The following CDHR1 variants were observed in gnomAD, a reference collection of about 807,000 sequenced individuals.
The protein encoded by CDHR1 is cadherin related family member 1, also known as cadherin-related family member 1.
In CDHR1, 61 loss-of-function variants were observed where a neutral mutation model predicts 72.1. The ratio of observed to expected loss-of-function variants is 0.85; its 90% CI spans 0.69 to 1.05. CDHR1 has a LOEUF of 1.05. CDHR1 is among the 50% of genes least tolerant of loss of function. The pLI is 0.00. For synonymous variants in CDHR1, 470 were observed against 448.1 expected, an observed-to-expected ratio of 1.05 and a Z score of -0.62; for missense variants, 1,186 against 1,115.7, an observed-to-expected ratio of 1.06 and a Z score of -0.90.
chr10:84,216,700 G>A lies in CDHR1; in HGVS notation c.*2079G>A. On this transcript the variant is annotated 3_prime_UTR_variant, in exon 17 of 17. Coordinates refer to ENST00000623527, the MANE Select transcript of CDHR1 (RefSeq NM_033100.4). ...TGAAAATTTTTGTCCAAATTGCCAT[G>A]CAGATATCTTGAACAGCAGGACATT... is the stretch of plus-strand genomic sequence containing the variant. The A allele has an allele frequency of 2.0e-6, 2 of 985,478 alleles. No homozygotes were observed. The highest frequency in any genetic ancestry group is 9.4e-5 in the South Asian group (2 of 21,290). 61.0% of individuals were successfully genotyped at this position (985,478 alleles called of 1,614,324 possible). A position where few individuals can be genotyped will look rare whatever the true frequency, so the allele number is the denominator to read the frequency against.
At chr10:84,196,309 TGAA>T (rs1316201357) in intron 2 of CDHR1, among the ~76,000 whole-genome samples, 193 bp from the exon 3 acceptor site, 1 of 152,164 alleles carries the variant, frequency 6.6e-6, no homozygotes, top group Non-Finnish European at 1.5e-5. Context: ...CCACCCGCTG[TGAA>T]GAATAAACAT....
intron 12 of CDHR1, among the ~76,000 whole-genome samples, chr10:84,209,771 C>T (rs1190645142): frequency 6.6e-6 from 1 of 152,056 alleles, no homozygotes; most frequent in African/African-American, 2.4e-5. Flanking sequence ...TAAAAATTAT[C>T]TTTTACAATA....
Position 84,215,105 on chromosome 10 carries a change from G to T in CDHR1, c.*484G>T. ...AAAAGGAGGCTCAGCACTGTCTCAG[G>T]CTGGAGGTCAGCGAACCTCGTGGGC... On this transcript the variant is annotated 3_prime_UTR_variant, in exon 17 of 17. Coordinates refer to ENST00000623527, the MANE Select transcript of CDHR1 (RefSeq NM_033100.4). 1 of 1,032,670 alleles carries T rather than the reference G, an allele frequency of 9.7e-7. No homozygotes were observed. Among genetic ancestry groups the T allele is most frequent in the Non-Finnish European group, 1.2e-6 (1 of 858,352 alleles). The allele number at this position is 1,032,670 out of a possible 1,614,324, so 64.0% of individuals were successfully genotyped here.
rs1842418968 is a variant in CDHR1 at position 84,215,901 on chromosome 10, C to A, written c.*1280C>A. The A allele has an allele frequency of 1.0e-6, 1 of 985,326 alleles. No individual in the cohort carries two copies. Among genetic ancestry groups the A allele is most frequent in the Non-Finnish European group, 1.2e-6 (1 of 829,972 alleles). 61.0% of individuals were successfully genotyped at this position (985,326 alleles called of 1,614,324 possible). A position where few individuals can be genotyped will look rare whatever the true frequency, so the allele number is the denominator to read the frequency against. On this transcript the variant is annotated 3_prime_UTR_variant, in exon 17 of 17. Transcript: ENST00000623527. ...CCTGGCCAGCTACCGTCAGAGAGAA[C>A]CAGAGCTCCAAGTCTTTAATTTGCC...
chr10:84,201,739 G>A lies in CDHR1; in HGVS notation c.526-68G>A. On this transcript the variant is annotated intron_variant, in intron 6 of 16. Transcript: ENST00000623527. ...GGGCAGTGAGGACCCCCTTCAGAAA[G>A]CAGAGCGGGCATTCCTGGGGCTGGC... 2.3e-6 allele frequency: 3 copies of A among 1,308,878 alleles called. No homozygotes were observed. In the South Asian group the frequency reaches 3.6e-5, roughly 16 times the overall value. 81.1% of individuals were successfully genotyped at this position (1,308,878 alleles called of 1,614,324 possible).
Position 84,194,640 on chromosome 10 carries a change from C to G in CDHR1, c.-121C>G. 1 of 725,440 alleles carries G rather than the reference C, an allele frequency of 1.4e-6. No homozygotes were observed. The highest frequency in any genetic ancestry group is 2.0e-6 in the Non-Finnish European group (1 of 498,930). The allele number at this position is 725,440 out of a possible 1,614,324, so 44.9% of individuals were successfully genotyped here. On this transcript the variant is annotated 5_prime_UTR_variant, in exon 1 of 17. Transcript: ENST00000623527. ...GCTCCCGCCCCGTGCCCCCTCCCGCCGCGGCTGCAGTCGCCGCTACCCCCA... is the reference window on the plus strand; with the variant it reads ...GCTCCCGCCCCGTGCCCCCTCCCGCGGCGGCTGCAGTCGCCGCTACCCCCA...
At chr10:84,196,365 C>G in intron 2 of CDHR1, 140 bp from the exon 3 acceptor site, 1 of 885,586 alleles carries the variant, frequency 1.1e-6, no homozygotes, top group Non-Finnish European at 1.9e-6. Context: ...CAGCAATGAG[C>G]ACCAAGTTCA....
Position 84,208,798 on chromosome 10 carries a change from G to T in CDHR1, c.1237G>T (p.Val413Phe). Residue 413 changes from valine to phenylalanine, a missense_variant, in exon 12 of 17, where the codon GTC becomes TTC. Val to Phe is a conservative substitution (Grantham distance 50). Coordinates refer to ENST00000623527, the MANE Select transcript of CDHR1 (RefSeq NM_033100.4). ...RGIFRVVPQTVLNEAQVTIIV... is the reference protein window; with the variant it reads ...RGIFRVVPQTFLNEAQVTIIV... The stretch of plus-strand genomic sequence containing the variant: ...CATCTTCCGAGTGGTTCCACAGACA[G>T]TCCTGAATGAAGCCCAAGTCACAAT... 1.2e-6 allele frequency: 2 copies of T among 1,614,196 alleles called. No homozygotes were observed. Among genetic ancestry groups the T allele is most frequent in the Non-Finnish European group, 1.7e-6 (2 of 1,180,020 alleles).
chr10:84,195,549 A>C lies in CDHR1; in HGVS notation c.111A>C (p.Gly37=), dbSNP rs773293164. The stretch of plus-strand genomic sequence containing the variant: ...ACAACGGGGTCGGCAGCACCAACGG[A>C]AACATGGCTCTGTTCAGCCTCCCAG... The part of the protein sequence containing the change: ...FFDNGVGSTN[G]NMALFSLPED... The change falls in exon 2 of 17, where the codon GGA becomes GGC. Residue 37 remains glycine, a synonymous_variant. Coordinates refer to ENST00000623527, the MANE Select transcript of CDHR1 (RefSeq NM_033100.4). 7 of 1,614,060 alleles carry C rather than the reference A, an allele frequency of 4.3e-6. No individual in the cohort carries two copies. Among genetic ancestry groups the C allele is most frequent in the African/African-American group, 1.3e-5 (1 of 74,924 alleles).
intron 10 of CDHR1, among the ~76,000 whole-genome samples, chr10:84,207,326 GCAGAGT>G (rs1842244737): frequency 6.6e-6 from 1 of 152,100 alleles, no homozygotes; most frequent in Admixed American, 6.6e-5. Flanking sequence ...GATGTAGAGA[GCAGAGT>G]CACATTGCTG....
At chr10:84,204,822 G>A (rs1006388400) in intron 9 of CDHR1, among the ~76,000 whole-genome samples, 1 of 152,134 alleles carries the variant, frequency 6.6e-6, no homozygotes, top group Non-Finnish European at 1.5e-5. Context: ...CATGGGGCAG[G>A]GGCGCTGAGA....
At chr10:84,195,404 C>G (rs1842010264) in intron 1 of CDHR1, 90 bp from the exon 2 acceptor site, 3 of 1,223,402 alleles carry the variant, frequency 2.5e-6, no homozygotes, top group African/African-American at 1.5e-5. Context: ...GTAGCTGGGC[C>G]TGACGCGGGA....
intron 1 of CDHR1, 102 bp from the exon 2 acceptor site, chr10:84,195,392 C>A: frequency 9.2e-7 from 1 of 1,087,294 alleles, no homozygotes; most frequent in Non-Finnish European, 1.4e-6. Context: ...CCCTCCTGCC[C>A]AGTAGCTGGG....
rs3814213 is a variant in CDHR1 at position 84,214,480 on chromosome 10, T to C, written c.2439T>C (p.Thr813=). 0.53 allele frequency: 850,713 copies of C among 1,608,950 alleles called. 228,762 individuals carry two copies. Among genetic ancestry groups the C allele is most frequent in the African/African-American group, 0.79 (58,972 of 74,942 alleles). The change falls in exon 17 of 17, where the codon ACT becomes ACC. Residue 813 remains threonine (T), a synonymous_variant. Coordinates refer to ENST00000623527, the MANE Select transcript of CDHR1 (RefSeq NM_033100.4). ...STGAAQWTVP[T]VSGSLTPQPT... Reference sequence around the variant, plus strand: ...GCGCAGCCCAGTGGACCGTGCCTACTGTCTCTGGCTCTCTCACTCCGCAGC... The same window carrying C: ...GCGCAGCCCAGTGGACCGTGCCTACCGTCTCTGGCTCTCTCACTCCGCAGC...
rs190892920 is a variant in CDHR1, at chr10:84,217,640, C to T, written c.*3019C>T. 8.1e-6 allele frequency: 8 copies of T among 985,440 alleles called. No individual in the cohort carries two copies. The highest frequency in any genetic ancestry group is 4.7e-5 in the South Asian group (1 of 21,288). 61.0% of individuals were successfully genotyped at this position (985,440 alleles called of 1,614,324 possible). On this transcript the variant is annotated 3_prime_UTR_variant, in exon 17 of 17. Transcript: ENST00000623527. Reference sequence around the variant, plus strand: ...TTACACAAGCTCAGTAGACACTTGCCGTGACTGTGGCCCACATACTAGAAC... The same window carrying T: ...TTACACAAGCTCAGTAGACACTTGCTGTGACTGTGGCCCACATACTAGAAC...
At chr10:84,200,512 G>T in intron 5 of CDHR1, 89 bp from the exon 6 acceptor site, 2 of 841,956 alleles carry the variant, frequency 2.4e-6, no homozygotes, top group South Asian at 2.9e-5. Context: ...TTCACTCCCC[G>T]ACCCCACTGC....
chr10:84,219,361 C>T (rs190542727), downstream of CDHR1: 20 of 1,513,722 alleles, frequency 1.3e-5, no homozygotes, highest in Middle Eastern at 1.9e-4. Flanking sequence ...TGAATACTTC[C>T]CTACCCACCA....
intron 12 of CDHR1, among the ~76,000 whole-genome samples, chr10:84,209,742 A>T (rs909078518): frequency 2.0e-5 from 3 of 152,200 alleles, no homozygotes; most frequent in Non-Finnish European, 2.9e-5. Flanking sequence ...CATACAAAAA[A>T]TAATAAGAAA....
chr10:84,199,194 G>T (rs1020744398), intron 5 of CDHR1, 73 bp downstream of exon 5: 2 of 1,263,106 alleles, frequency 1.6e-6, no homozygotes, highest in Non-Finnish European at 1.1e-6. Context: ...CTGCCCTGTG[G>T]CCTGGCCATG....
Sources: gnomAD v4.1 joint callset for allele counts (sites outside exome capture counted in the v4.1 genomes callset) on GRCh38, gnomAD v4.1.1 for gene constraint, MANE v1.5 for transcripts, NCBI Gene and HGNC (gene_info 2026-07-23, HGNC 2026-07-21) for gene names.